Variants in DAPK1 observed in about 807,000 individuals in gnomAD.
DAPK1 encodes the protein death associated protein kinase 1, also known as death-associated protein kinase 1.
DAPK1 carries 56 observed loss-of-function variants against 144.9 expected under a neutral mutation model. That is an observed-to-expected ratio of 0.39 (90% CI 0.31 to 0.48). The LOEUF (loss-of-function observed/expected upper bound fraction) is 0.48. Ranked by LOEUF, DAPK1 falls within the 20% of genes least tolerant of loss-of-function variation. The pLI, the probability that DAPK1 is intolerant of heterozygous loss-of-function variation, is 0.95. For missense variants in DAPK1, 1,454 were observed against 1,875.4 expected (o/e 0.78, Z 4.15); for synonymous variants, 690 against 749.0 (o/e 0.92, Z 1.29).
At chr9:87,626,451 A>G (rs1477371022) in intron 3 of DAPK1, among the ~76,000 whole-genome samples, 3 of 151,604 alleles carry the variant, frequency 2.0e-5, no homozygotes. Flanking sequence ...AAACAACAAC[A>G]ACAACAACAA....
At chr9:87,589,057 T>A (rs1419324596) in intron 2 of DAPK1, among the ~76,000 whole-genome samples, 7 of 26,316 alleles carry the variant, frequency 2.7e-4, no homozygotes, top group Non-Finnish European at 1.1e-3. Context: ...CCCGGCTAAT[T>A]TTTTTTTTTT....
chr9:87,506,778 A>G (rs145005360), intron 2 of DAPK1: 6 of 152,318 alleles, frequency 3.9e-5, no homozygotes, highest in South Asian at 2.1e-4. Context: ...AATTCAGTGT[A>G]TGACTTTGGG....
chr9:87,509,670 C>G (rs984581303), intron 2 of DAPK1, among the ~76,000 whole-genome samples: 2 of 152,174 alleles, frequency 1.3e-5, no homozygotes, highest in Non-Finnish European at 2.9e-5. Flanking sequence ...ATCCTGCCAG[C>G]GTTTTCTTCT....
rs769942896 is a variant in DAPK1 at position 87,604,562 on chromosome 9, G to T, written c.63-392G>T. Among the ~76,000 whole-genome samples, 11 of 151,716 alleles carry T rather than the reference G, an allele frequency of 7.3e-5. No homozygotes were observed. The South Asian group carries it at 2.1e-3, about 29-fold the overall frequency. ...GACTTCATATATATTTTTTTTTACC[G>T]ATTCCCTGGTCTCAATCCCTCGTTT... is the stretch of plus-strand genomic sequence containing the variant. On this transcript the variant is annotated intron_variant, in intron 2 of 25. Transcript: ENST00000408954.
intron 17 of DAPK1, among the ~76,000 whole-genome samples, chr9:87,654,771 C>CAGCATCT (rs1830576875): frequency 6.6e-6 from 1 of 152,188 alleles, no homozygotes; most frequent in Non-Finnish European, 1.5e-5. Context: ...ACTATGTGTG[C>CAGCATCT]AGCATCTAGA....
At chr9:87,614,249 T>C (rs1168696779) in intron 3 of DAPK1, among the ~76,000 whole-genome samples, 1 of 152,206 alleles carries the variant, frequency 6.6e-6, no homozygotes, top group East Asian at 1.9e-4. Flanking sequence ...AATAGGAGTC[T>C]TACAAACAAA....
chr9:87,662,560 G>GTTTTTTTTTTTTTTTTTTTTTTTTTTTT (rs71507734), intron 18 of DAPK1, among the ~76,000 whole-genome samples: 8 of 32,136 alleles, frequency 2.5e-4, no homozygotes, highest in East Asian at 1.8e-3. Context: ...TATATTCCTA[G>GTTTTTTTTTTTTTTTTTTTTTTTTTTTT]TTTTTTTTTT....
intron 3 of DAPK1, among the ~76,000 whole-genome samples, chr9:87,613,201 A>G (rs1484301062): frequency 6.6e-6 from 1 of 152,126 alleles, no homozygotes; most frequent in Non-Finnish European, 1.5e-5. Flanking sequence ...AATTTTGCTG[A>G]TTTTTTTAAT....
intron 17 of DAPK1, chr9:87,657,457 T>C (rs989794644): frequency 1.3e-5 from 2 of 156,252 alleles, no homozygotes; most frequent in Non-Finnish European, 2.8e-5. Context: ...GGCAGGGTGG[T>C]GCAGTCTAAT....
In DAPK1 at chr9:87,707,485, C is replaced by A. The variant is rs1301926353; in HGVS notation, c.*121C>A. ...TCCTGCACCCACAGCCAGGGGGATG[C>A]CACTCCTCCCTCCGGCTTGACCTGT... On this transcript the variant is annotated 3_prime_UTR_variant, in exon 26 of 26. Transcript: ENST00000408954. The surrounding 1 kb of genome is among the most constrained non-coding windows in gnomAD (Gnocchi z 4.0). 2 of 657,138 alleles carry A rather than the reference C, an allele frequency of 3.0e-6. No individual in the cohort carries two copies. The highest frequency in any genetic ancestry group is 2.6e-6 in the Non-Finnish European group (1 of 384,132). 40.7% of individuals were successfully genotyped at this position (657,138 alleles called of 1,614,324 possible).
intron 2 of DAPK1, among the ~76,000 whole-genome samples, chr9:87,501,561 A>G (rs1192455149): frequency 1.4e-5 from 2 of 144,042 alleles, no homozygotes; most frequent in African/African-American, 3.0e-5. Flanking sequence ...AAAAGAAAGA[A>G]AAAAAAGACT....
At chr9:87,668,780 C>T (rs1831151452) in intron 19 of DAPK1, 106 bp downstream of exon 19, 1 of 786,884 alleles carries the variant, frequency 1.3e-6, no homozygotes, top group Admixed American at 1.8e-5. Context: ...TCTAGACAGC[C>T]AGGTTTTAGG....
At chr9:87,534,103 G>A (rs1213495747) in intron 2 of DAPK1, among the ~76,000 whole-genome samples, 1 of 82,610 alleles carries the variant, frequency 1.2e-5, no homozygotes, top group Admixed American at 1.2e-4. Flanking sequence ...CCAATTTCTT[G>A]CGATTTTTTT....
intron 2 of DAPK1, among the ~76,000 whole-genome samples, chr9:87,590,701 C>T (rs1828102250): frequency 6.6e-6 from 1 of 152,148 alleles, no homozygotes; most frequent in Admixed American, 6.5e-5. Context: ...CATCCTCTCA[C>T]CTCAGCCTCC....
Position 87,605,132 on chromosome 9 carries a change from G to C in DAPK1, c.241G>C (p.Glu81Gln). 1 of 1,614,230 alleles carries C rather than the reference G, an allele frequency of 6.2e-7. No individual in the cohort carries two copies. Among genetic ancestry groups the C allele is most frequent in the East Asian group, 2.2e-5 (1 of 44,876 alleles). ...GCACCCCAATGTCATCACCCTGCAC[G>C]AGGTCTATGAGAACAAGACGGACGT... Reference protein sequence around the residue: ...IQHPNVITLHEVYENKTDVIL... With the variant: ...IQHPNVITLHQVYENKTDVIL... The change falls in exon 3 of 26, where the codon GAG becomes CAG. Residue 81 changes from glutamate (E) to glutamine (Q), a missense_variant. Physicochemically the swap from Glu to Gln is conservative, Grantham distance 29. Transcript: ENST00000408954.
At chr9:87,537,780 A>G (rs991406536) in intron 2 of DAPK1, among the ~76,000 whole-genome samples, 5 of 152,202 alleles carry the variant, frequency 3.3e-5, no homozygotes, top group African/African-American at 1.2e-4. Context: ...CTGTGAAGTT[A>G]GAAGAAAATC....
chr9:87,655,077 T>G (rs1388289132), intron 17 of DAPK1, among the ~76,000 whole-genome samples: 1 of 152,212 alleles, frequency 6.6e-6, no homozygotes, highest in African/African-American at 2.4e-5. Flanking sequence ...AGAGCAGCTG[T>G]ACATAGAGGG....
intron 20 of DAPK1, among the ~76,000 whole-genome samples, chr9:87,685,581 G>A (rs1466027029): frequency 6.6e-6 from 1 of 152,188 alleles, no homozygotes; most frequent in Non-Finnish European, 1.5e-5. Context: ...GCTTCTGCCT[G>A]CACAAGCCTG....
chr9:87,631,609 G>C (rs998833805), intron 3 of DAPK1, among the ~76,000 whole-genome samples: 1 of 152,198 alleles, frequency 6.6e-6, no homozygotes, highest in Non-Finnish European at 1.5e-5. Flanking sequence ...CTGCTGCACA[G>C]ACTGCTCATC....
Sources: gnomAD v4.1 joint callset for allele counts (sites outside exome capture counted in the v4.1 genomes callset) on GRCh38, gnomAD v4.1.1 for gene constraint, Gnocchi (gnomAD v3.1) non-coding constraint, MANE v1.5 for transcripts, NCBI Gene and HGNC (gene_info 2026-07-23, HGNC 2026-07-21) for gene names.